The following SYNE2 variants were observed in gnomAD, a reference collection of about 807,000 sequenced individuals.
SYNE2 encodes nesprin-2.
Under a neutral mutation model 856.3 loss-of-function variants are expected in SYNE2, and 431 were observed. The observed-to-expected ratio is 0.50, with a 90% CI of 0.47 to 0.55. SYNE2 has a LOEUF of 0.55. SYNE2 is among the 20% of genes least tolerant of loss of function. The pLI, the probability that SYNE2 is intolerant of heterozygous loss-of-function variation, is 0.00. For missense variants in SYNE2, 8,129 were observed against 8,023.2 expected (o/e 1.01, Z -0.50); for synonymous variants, 2,923 against 2,872.3 (o/e 1.02, Z -0.56).
chr14:63,836,281 C>G (rs1003745946), intron 1 of SYNE2, among the ~76,000 whole-genome samples: 5 of 152,140 alleles, frequency 3.3e-5, no homozygotes, highest in African/African-American at 1.2e-4. Context: ...ATCTTGACTT[C>G]CCAAAGTGCT....
chr14:64,224,263 A>G (rs1486111264), intron 113 of SYNE2, among the ~76,000 whole-genome samples, 198 bp from the exon 114 acceptor site: 1 of 151,310 alleles, frequency 6.6e-6, no homozygotes, highest in Non-Finnish European at 1.5e-5. Context: ...GCTGAGGTAG[A>G]AGGATTGAGT....
At chr14:63,815,191 TCCATATATATATCC>T (rs1888903435) in intron 1 of SYNE2, among the ~76,000 whole-genome samples, 1 of 57,584 alleles carries the variant, frequency 1.7e-5, no homozygotes, top group Non-Finnish European at 3.2e-5. Flanking sequence ...CATATATATA[TCCATATATATATCC>T]ATATATATAT....
chr14:63,938,234 T>C (rs1308841869), intron 2 of SYNE2, among the ~76,000 whole-genome samples: 1 of 152,066 alleles, frequency 6.6e-6, no homozygotes, highest in African/African-American at 2.4e-5. Context: ...GTTGGGAGGA[T>C]TGCTTGAGCC....
At chr14:64,069,867 G>A (rs2097390647) in intron 51 of SYNE2, among the ~76,000 whole-genome samples, 1 of 152,204 alleles carries the variant, frequency 6.6e-6, no homozygotes, top group South Asian at 2.1e-4. Context: ...GTGATATCCT[G>A]TAATGTCATG....
In SYNE2 at chr14:63,786,350, G is replaced by A. The variant is rs140529315; in HGVS notation, c.-305+24364G>A. On this transcript the variant is annotated intron_variant, in intron 1 of 23. Coordinates refer to the SYNE2 transcript ENST00000674003. ...TTGAGCCCAAGAGGTCTAGGCTGCA[G>A]TCAGCAGTGATCATGCCACTGCACT... 9.2e-5 allele frequency among the ~76,000 whole-genome samples: 14 copies of A among 152,336 alleles called. No individual in the cohort carries two copies. The East Asian group carries it at 2.7e-3, about 29-fold the overall frequency.
chr14:63,981,493 A>C (rs2096585458), intron 16 of SYNE2, among the ~76,000 whole-genome samples: 2 of 152,204 alleles, frequency 1.3e-5, no homozygotes, highest in Non-Finnish European at 2.9e-5. Flanking sequence ...GAGAGGAAAT[A>C]AGACTTAATG....
intron 64 of SYNE2, among the ~76,000 whole-genome samples, chr14:64,105,920 G>C (rs1341101922): frequency 6.6e-6 from 1 of 151,854 alleles, no homozygotes; most frequent in African/African-American, 2.4e-5. Flanking sequence ...TTAGCCGGTC[G>C]TGGTGGTGCA....
rs1463624356 is a variant in SYNE2, at chr14:64,016,420, A to T, written c.4729-53A>T. 2.5e-6 allele frequency: 3 copies of T among 1,198,766 alleles called. No individual in the cohort carries two copies. In the East Asian group the frequency reaches 7.4e-5, roughly 30 times the overall value. The allele number at this position is 1,198,766 out of a possible 1,614,324, so 74.3% of individuals were successfully genotyped here. A position where few individuals can be genotyped will look rare whatever the true frequency, so the allele number is the denominator to read the frequency against. On this transcript the variant is annotated intron_variant, in intron 32 of 115. Transcript: ENST00000555002. ...ATCCAACAATAGAATTGTGATTCTT[A>T]GCTGTTTGTCTATATCAAAATATCA...
chr14:64,074,212 T>G (rs2153603716), intron 53 of SYNE2, 76 bp downstream of exon 53: 3 of 1,467,586 alleles, frequency 2.0e-6, no homozygotes, highest in Non-Finnish European at 2.9e-6. Context: ...GGGGTAGAGA[T>G]AACTCAGTGG....
rs369974352 is a variant in SYNE2 at position 64,087,743 on chromosome 14, A to G, written c.11557A>G (p.Ile3853Val). 8 of 1,614,068 alleles carry G rather than the reference A, an allele frequency of 5.0e-6. No individual in the cohort carries two copies. In the African/African-American group the frequency reaches 6.7e-5, roughly 13 times the overall value. The change falls in exon 58 of 116, where the codon ATA becomes GTA. Residue 3853 changes from isoleucine to valine, a missense_variant. Around this residue, in one of 3 missense-constraint regions of SYNE2, gnomAD observed 5,410 missense variants for 5,284.8 expected, o/e 1.02. Transcript: ENST00000555002. The stretch of plus-strand genomic sequence containing the variant: ...CTTTATGGATCTAGAAGACCTGTCA[A>G]TAATTTTTGAAACAGATGAATTAAC... ...SIFMDLEDLSIIFETDELTQS... is the reference protein window; with the variant it reads ...SIFMDLEDLSVIFETDELTQS...
intron 82 of SYNE2, 89 bp downstream of exon 82, chr14:64,142,177 T>A (rs1407708874): frequency 2.0e-6 from 3 of 1,502,120 alleles, no homozygotes; most frequent in African/African-American, 1.4e-5. Flanking sequence ...ACATAGGATA[T>A]AATTTCAAAA....
At chr14:64,081,348 C>T in intron 56 of SYNE2, 95 bp from the exon 57 acceptor site, 25 of 1,516,776 alleles carry the variant, frequency 1.6e-5, no homozygotes, top group South Asian at 2.3e-5. Flanking sequence ...AGGCCTGACA[C>T]ACCCCTGACT....
At position 63,802,655 on chromosome 14, in the gene SYNE2, G is replaced by A. The variant is rs569947403; in HGVS notation, c.-305+40669G>A. On this transcript the variant is annotated intron_variant, in intron 1 of 23. Transcript: ENST00000674003. Reference sequence around the variant, plus strand: ...TCTTGGTCTCACTGACTTCAAGAATGAAGCCGCAGACCCTCGCGGTGAGAA... The same window carrying A: ...TCTTGGTCTCACTGACTTCAAGAATAAAGCCGCAGACCCTCGCGGTGAGAA... Among the ~76,000 whole-genome samples, 513 of 152,330 alleles carry A rather than the reference G, an allele frequency of 3.4e-3. 2 individuals carry two copies. The highest frequency in any genetic ancestry group is 0.011 in the African/African-American group (478 of 41,582).
intron 1 of SYNE2, among the ~76,000 whole-genome samples, chr14:63,796,371 C>T (rs888154466): frequency 6.6e-6 from 1 of 152,068 alleles, no homozygotes; most frequent in East Asian, 1.9e-4. Context: ...GCAGGAGAAT[C>T]GCTTGAACCC....
chr14:63,901,837 T>C (rs1036983665), intron 1 of SYNE2, among the ~76,000 whole-genome samples: 1 of 152,044 alleles, frequency 6.6e-6, no homozygotes, highest in Non-Finnish European at 1.5e-5. Flanking sequence ...GGTGGGAGGA[T>C]GACTTGAGCC....
intron 1 of SYNE2, among the ~76,000 whole-genome samples, chr14:63,786,260 T>A (rs1595108751): frequency 1.6e-5 from 2 of 125,558 alleles, no homozygotes; most frequent in Non-Finnish European, 1.8e-5. Context: ...AAAAAAAAAA[T>A]AGCTGGGCAT....
chr14:64,040,447 A>G (rs529947012), intron 45 of SYNE2, among the ~76,000 whole-genome samples: 1 of 152,010 alleles, frequency 6.6e-6, no homozygotes, highest in South Asian at 2.1e-4. Context: ...ACAACAAAAA[A>G]AGTCATTAAA....
chr14:63,824,467 T>C (rs1889341389), intron 1 of SYNE2, among the ~76,000 whole-genome samples: 2 of 151,172 alleles, frequency 1.3e-5, no homozygotes, highest in African/African-American at 4.9e-5. Context: ...GGCAAAACCC[T>C]ATCTCTATTA....
intron 7 of SYNE2, among the ~76,000 whole-genome samples, chr14:63,952,317 C>T (rs1029828417): frequency 1.3e-5 from 2 of 152,214 alleles, no homozygotes; most frequent in African/African-American, 4.8e-5. Context: ...AGGTCTGGCC[C>T]TGCCCTCAGC....
Sources: allele counts gnomAD v4.1 joint callset (sites outside exome capture counted in the v4.1 genomes callset), GRCh38; gene constraint gnomAD v4.1.1; regional missense constraint gnomAD v4.1.1; transcripts MANE v1.5; gene names NCBI Gene and HGNC (gene_info 2026-07-23, HGNC 2026-07-21).